Variants in ARL2BP observed in about 807,000 individuals in gnomAD.
ARL2BP encodes ARF like GTPase 2 binding protein.
In ARL2BP, 19 loss-of-function variants were observed where a neutral mutation model predicts 24.2. The ratio of observed to expected loss-of-function variants is 0.79; its 90% CI spans 0.55 to 1.15. The LOEUF (loss-of-function observed/expected upper bound fraction) is 1.15. Among genes scored for constraint, ARL2BP ranks in the 50% most tolerant of loss-of-function variants. The pLI is 0.00. For missense variants in ARL2BP, 160 were observed against 190.4 expected, an observed-to-expected ratio of 0.84 and a Z score of 0.94; for synonymous variants, 56 against 70.5, an observed-to-expected ratio of 0.79 and a Z score of 1.03.
Position 57,250,371 on chromosome 16 carries a change from C to A in ARL2BP, c.294-40C>A, listed in dbSNP as rs1405877140. The A allele has an allele frequency of 1.9e-6, 3 of 1,548,586 alleles. No individual in the cohort carries two copies. The African/African-American group carries it at 4.1e-5, about 21-fold the overall frequency. On this transcript the variant is annotated intron_variant, in intron 4 of 5. Transcript: ENST00000219204. ...ACGAAAGCAATCTTGAGGACTGTCT[C>A]ATCATTCATTCACGAAACAGCCATC... is the stretch of plus-strand genomic sequence containing the variant.
rs1432213715 is a variant in ARL2BP, at chr16:57,250,452, T to G, written c.335T>G (p.Leu112Arg). 3.1e-6 allele frequency: 5 copies of G among 1,614,114 alleles called. No homozygotes were observed. The highest frequency in any genetic ancestry group is 4.2e-6 in the Non-Finnish European group (5 of 1,180,050). ...GTGGCTGGTGACATATTCGACATGC[T>G]GCTCACCTTCACAGATTTTCTGGCT... ...DEVAGDIFDM[L>R]LTFTDFLAFK... Residue 112 changes from leucine (L) to arginine (R), a missense_variant, in exon 5 of 6, where the codon CTG (leucine) becomes CGG (arginine). By Grantham distance (102) the Leu-to-Arg change is moderately radical. Transcript: ENST00000219204.
chr16:57,245,549 A>C, intron 1 of ARL2BP, 144 bp downstream of exon 1: 5 of 1,070,564 alleles, frequency 4.7e-6, no homozygotes, highest in Non-Finnish European at 6.8e-6. Flanking sequence ...GCGCCGTCCC[A>C]GCTCCAGGCC....
At chr16:57,251,371 A>C (rs2075407053) in intron 5 of ARL2BP, 1 of 152,334 alleles carries the variant, frequency 6.6e-6, no homozygotes, top group Non-Finnish European at 1.5e-5. Flanking sequence ...GCTACAGTCC[A>C]GCCTGGGTGA....
chr16:57,245,302 G>A lies in ARL2BP; in HGVS notation c.-66G>A. ...TTGGCTGAGAGGCCTTAACCCCGCC[G>A]GGCGGCCGCGCCCTGCATGCGAGTT... On this transcript the variant is annotated 5_prime_UTR_variant, in exon 1 of 6. Coordinates refer to ENST00000219204, the MANE Select transcript of ARL2BP (RefSeq NM_012106.4). The A allele has an allele frequency of 6.4e-7, 1 of 1,565,404 alleles. No individual in the cohort carries two copies. Among genetic ancestry groups the A allele is most frequent in the East Asian group, 2.3e-5 (1 of 43,264 alleles).
chr16:57,245,973 C>A, intron 1 of ARL2BP, 107 bp from the exon 2 acceptor site: 1 of 1,059,304 alleles, frequency 9.4e-7, no homozygotes, highest in South Asian at 1.3e-5. Flanking sequence ...ATGGGAAGTT[C>A]GTTTTGCTAC....
chr16:57,248,513 T>A lies in ARL2BP; in HGVS notation c.101-24T>A, dbSNP rs373350904. ...GGTTGGTAATCTCCATTAAAAAGAA[T>A]AAATTTTCCCCACTGTGGTTCAGAT... On this transcript the variant is annotated intron_variant, in intron 2 of 5. Transcript: ENST00000219204. The A allele has an allele frequency of 2.1e-5, 30 of 1,449,346 alleles. 1 individual carries two copies. The highest frequency in any genetic ancestry group is 2.3e-5 in the Non-Finnish European group (24 of 1,045,026). 89.8% of individuals were successfully genotyped at this position (1,449,346 alleles called of 1,614,324 possible).
chr16:57,251,590 CAA>C (rs112435742), intron 5 of ARL2BP: 74 of 105,094 alleles, frequency 7.0e-4, no homozygotes, highest in Non-Finnish European at 7.0e-4. Context: ...ACCCCTATCT[CAA>C]AAAAAAAAAA....
At chr16:57,245,887 C>T (rs1228551644) in intron 1 of ARL2BP, 193 bp from the exon 2 acceptor site, 1 of 622,262 alleles carries the variant, frequency 1.6e-6, no homozygotes, top group East Asian at 2.7e-5. Context: ...GTTCATGTCA[C>T]AAACGTGCCG....
In ARL2BP at chr16:57,245,321, G is replaced by C. The variant is rs1399956920; in HGVS notation, c.-47G>C. ...CCCGCCGGGCGGCCGCGCCCTGCATGCGAGTTGGGCCGCGGGCGGGGTTGG... is the reference window on the plus strand; with the variant it reads ...CCCGCCGGGCGGCCGCGCCCTGCATCCGAGTTGGGCCGCGGGCGGGGTTGG... On this transcript the variant is annotated 5_prime_UTR_variant, in exon 1 of 6. An upstream start codon of the reference 5' UTR is lost. Coordinates refer to ENST00000219204, the MANE Select transcript of ARL2BP (RefSeq NM_012106.4). The C allele has an allele frequency of 4.4e-6, 7 of 1,589,772 alleles. No homozygotes were observed. The highest frequency in any genetic ancestry group is 4.3e-6 in the Non-Finnish European group (5 of 1,169,518).
At chr16:57,249,934 T>C (rs2075402214) in intron 4 of ARL2BP, 82 bp downstream of exon 4, 1 of 1,316,576 alleles carries the variant, frequency 7.6e-7, no homozygotes, top group African/African-American at 1.5e-5. Context: ...AAGACGCTCC[T>C]TGTTTGTTTT....
In ARL2BP at chr16:57,252,513, T is replaced by C; in HGVS notation, c.*246T>C. The C allele has an allele frequency of 1.6e-6, 1 of 623,524 alleles. No individual in the cohort carries two copies. The highest frequency in any genetic ancestry group is 1.9e-5 in the African/African-American group (1 of 53,904). The allele number at this position is 623,524 out of a possible 1,614,324, so 38.6% of individuals were successfully genotyped here. On this transcript the variant is annotated 3_prime_UTR_variant, in exon 6 of 6. Coordinates refer to ENST00000219204, the MANE Select transcript of ARL2BP (RefSeq NM_012106.4). Reference sequence around the variant, plus strand: ...TCAAGTAGACACCTCTCTCAGGAGCTTCTGAGTCAGACGCCTCTGGAGCGA... The same window carrying C: ...TCAAGTAGACACCTCTCTCAGGAGCCTCTGAGTCAGACGCCTCTGGAGCGA...
In ARL2BP at chr16:57,252,579, C is replaced by T. The variant is rs370149749; in HGVS notation, c.*312C>T. The T allele has an allele frequency of 5.0e-5, 20 of 400,460 alleles. 1 individual carries two copies. The East Asian group carries it at 7.2e-4, about 14-fold the overall frequency. The allele number at this position is 400,460 out of a possible 1,614,324, so 24.8% of individuals were successfully genotyped here. A position where few individuals can be genotyped will look rare whatever the true frequency, so the allele number is the denominator to read the frequency against. On this transcript the variant is annotated 3_prime_UTR_variant, in exon 6 of 6. Coordinates refer to ENST00000219204, the MANE Select transcript of ARL2BP (RefSeq NM_012106.4). Reference sequence around the variant, plus strand: ...CTCCACCTGGGGGGCCCTTCCCCAGCATACCTGCTGGTGTGTAAGTGTGGA... The same window carrying T: ...CTCCACCTGGGGGGCCCTTCCCCAGTATACCTGCTGGTGTGTAAGTGTGGA...
intron 2 of ARL2BP, among the ~76,000 whole-genome samples, chr16:57,247,873 C>T (rs971592146): frequency 4.6e-5 from 7 of 152,106 alleles, no homozygotes; most frequent in Admixed American, 4.6e-4. Context: ...TCAGGGAGTT[C>T]CCAAGCCACC....
chr16:57,252,542 C>T lies in ARL2BP; in HGVS notation c.*275C>T. ...GAGTCAGACGCCTCTGGAGCGAGCC[C>T]TATGTCAGGCACTCCACCTGGGGGG... On this transcript the variant is annotated 3_prime_UTR_variant, in exon 6 of 6. Transcript: ENST00000219204. 1 of 475,228 alleles carries T rather than the reference C, an allele frequency of 2.1e-6. No homozygotes were observed. The highest frequency in any genetic ancestry group is 3.7e-6 in the Non-Finnish European group (1 of 266,932). 29.4% of individuals were successfully genotyped at this position (475,228 alleles called of 1,614,324 possible).
chr16:57,247,286 A>G (rs949652503), intron 2 of ARL2BP: 1 of 152,194 alleles, frequency 6.6e-6, no homozygotes, highest in East Asian at 1.9e-4. Context: ...CCTATATGCT[A>G]TGGGAAAATG....
At chr16:57,246,654 A>G (rs1219568885) in intron 2 of ARL2BP, among the ~76,000 whole-genome samples, 2 of 152,110 alleles carry the variant, frequency 1.3e-5, no homozygotes, top group Non-Finnish European at 2.9e-5. Context: ...TACAAAAAAA[A>G]TTAGCCGGGC....
In ARL2BP at chr16:57,252,575, C is replaced by G; in HGVS notation, c.*308C>G. ...GGCACTCCACCTGGGGGGCCCTTCC[C>G]CAGCATACCTGCTGGTGTGTAAGTG... is the stretch of plus-strand genomic sequence containing the variant. On this transcript the variant is annotated 3_prime_UTR_variant, in exon 6 of 6. Transcript: ENST00000219204. The G allele has an allele frequency of 2.0e-5, 8 of 405,638 alleles. No individual in the cohort carries two copies. Among genetic ancestry groups the G allele is most frequent in the South Asian group, 1.9e-4 (8 of 42,160 alleles). 25.1% of individuals were successfully genotyped at this position (405,638 alleles called of 1,614,324 possible). A position where few individuals can be genotyped will look rare whatever the true frequency, so the allele number is the denominator to read the frequency against.
chr16:57,245,898 A>C, intron 1 of ARL2BP, 182 bp from the exon 2 acceptor site: 2 of 636,680 alleles, frequency 3.1e-6, no homozygotes, highest in Non-Finnish European at 5.6e-6. Flanking sequence ...AAACGTGCCG[A>C]GTGTGTTTTC....
chr16:57,247,043 C>CT (rs768500000), intron 2 of ARL2BP, among the ~76,000 whole-genome samples: 2 of 152,066 alleles, frequency 1.3e-5, no homozygotes, highest in African/African-American at 2.4e-5. Context: ...ATTCTGTTGA[C>CT]TTTAAGTTTT....
Sources: gnomAD v4.1 joint callset for allele counts (sites outside exome capture counted in the v4.1 genomes callset) on GRCh38, gnomAD v4.1.1 for gene constraint, MANE v1.5 for transcripts, NCBI Gene and HGNC (gene_info 2026-07-23, HGNC 2026-07-21) for gene names.